HDAC9: variants seen among roughly 807,000 people sequenced by gnomAD.
The protein encoded by HDAC9 is MEF-2 interacting transcription repressor (MITR) protein.
In HDAC9, 41 loss-of-function variants were observed where a neutral mutation model predicts 139.4. The ratio of observed to expected loss-of-function variants is 0.29; its 90% CI spans 0.23 to 0.38. HDAC9 has a LOEUF of 0.38. HDAC9 is among the 10% of genes least tolerant of loss of function. The pLI is 1.00. For synonymous variants in HDAC9, 517 were observed against 476.2 expected (o/e 1.09, Z -1.12); for missense variants, 1,147 against 1,297.0 (o/e 0.88, Z 1.78).
At chr7:18,907,246 G>C (rs1802343022) in intron 22 of HDAC9, among the ~76,000 whole-genome samples, 1 of 152,152 alleles carries the variant, frequency 6.6e-6, no homozygotes, top group Non-Finnish European at 1.5e-5. Flanking sequence ...ATGTAGAAGA[G>C]AAGGGAGAGT....
chr7:18,251,573 T>A (rs1478013357), intron 2 of HDAC9, among the ~76,000 whole-genome samples: 1 of 152,158 alleles, frequency 6.6e-6, no homozygotes, highest in African/African-American at 2.4e-5. Flanking sequence ...TTGGAGAAGA[T>A]GGAGGGCAGG....
intron 24 of HDAC9, among the ~76,000 whole-genome samples, chr7:18,974,343 T>C (rs1221009548): frequency 6.6e-6 from 1 of 152,202 alleles, no homozygotes; most frequent in Non-Finnish European, 1.5e-5. Context: ...TTTTCCATCA[T>C]CTTAAATACG....
At chr7:18,667,242 A>T in intron 12 of HDAC9, 2 of 985,338 alleles carry the variant, frequency 2.0e-6, no homozygotes, top group Non-Finnish European at 2.4e-6. Flanking sequence ...GCAGATGCAA[A>T]TGTTAGTGAG....
At chr7:18,312,780 G>C (rs1799401186) in intron 1 of HDAC9, among the ~76,000 whole-genome samples, 6 of 152,050 alleles carry the variant, frequency 3.9e-5, no homozygotes, top group Admixed American at 3.9e-4. Context: ...AGTAATCATG[G>C]TAAGAAATCT....
chr7:18,144,972 G>A (rs1327356614), intron 1 of HDAC9, among the ~76,000 whole-genome samples: 2 of 152,160 alleles, frequency 1.3e-5, no homozygotes, highest in African/African-American at 2.4e-5. Flanking sequence ...TCCTCCTGTA[G>A]AAGTCAGCTT....
intron 6 of HDAC9, among the ~76,000 whole-genome samples, chr7:18,624,790 A>G (rs1841191490): frequency 6.6e-6 from 1 of 151,722 alleles, no homozygotes; most frequent in Non-Finnish European, 1.5e-5. Context: ...GGGCTTCTGA[A>G]ATGTTAGGAG....
chr7:18,970,078 A>G (rs1056994769), intron 24 of HDAC9, among the ~76,000 whole-genome samples: 1 of 152,198 alleles, frequency 6.6e-6, no homozygotes, highest in African/African-American at 2.4e-5. Flanking sequence ...AGGATAAATT[A>G]AAAATGCTAA....
intron 1 of HDAC9, among the ~76,000 whole-genome samples, chr7:18,383,036 C>T (rs1562937594): frequency 6.6e-6 from 1 of 152,088 alleles, no homozygotes; most frequent in Non-Finnish European, 1.5e-5. Flanking sequence ...TCTTTTCATA[C>T]TTTTAAAATA....
chr7:18,855,256 C>T (rs1472390873), intron 21 of HDAC9, among the ~76,000 whole-genome samples: 2 of 152,036 alleles, frequency 1.3e-5, no homozygotes, highest in Non-Finnish European at 2.9e-5. Flanking sequence ...CAAATATACA[C>T]CCCCTAAAGA....
At chr7:18,829,126 T>C (rs1795674163) in intron 17 of HDAC9, 35 bp from the exon 18 acceptor site, 2 of 1,504,276 alleles carry the variant, frequency 1.3e-6, no homozygotes, top group Non-Finnish European at 1.9e-6. Context: ...CTCTCCATTA[T>C]ATCTGACCAT....
At chr7:18,867,593 C>T (rs1460523723) in intron 21 of HDAC9, among the ~76,000 whole-genome samples, 2 of 152,088 alleles carry the variant, frequency 1.3e-5, no homozygotes, top group East Asian at 3.9e-4. Context: ...TTTTCTGATT[C>T]TTTGAGGACA....
chr7:18,970,736 T>A (rs1784192960), intron 24 of HDAC9, among the ~76,000 whole-genome samples: 1 of 152,152 alleles, frequency 6.6e-6, no homozygotes, highest in Non-Finnish European at 1.5e-5. Flanking sequence ...AGGTTAAGAT[T>A]AGCAGCAGCT....
intron 6 of HDAC9, among the ~76,000 whole-genome samples, chr7:18,596,817 T>C (rs1832637198): frequency 6.6e-6 from 1 of 152,162 alleles, no homozygotes; most frequent in African/African-American, 2.4e-5. Flanking sequence ...GATCTATGTA[T>C]GATACTATTT....
chr7:18,123,849 A>G (rs1784500976), intron 1 of HDAC9, among the ~76,000 whole-genome samples: 1 of 152,232 alleles, frequency 6.6e-6, no homozygotes, highest in Admixed American at 6.5e-5. Context: ...GGTTAATTTA[A>G]CATCTCATTT....
chr7:18,178,971 T>A (rs1394323285), intron 2 of HDAC9, among the ~76,000 whole-genome samples: 2 of 152,238 alleles, frequency 1.3e-5, no homozygotes, highest in Non-Finnish European at 2.9e-5. Flanking sequence ...TTTCTGTGTG[T>A]CTCCATTAAA....
chr7:18,409,823 A>G (rs943734792), intron 1 of HDAC9, among the ~76,000 whole-genome samples: 1 of 152,190 alleles, frequency 6.6e-6, no homozygotes, highest in Admixed American at 6.5e-5. Flanking sequence ...TAGGATGGAA[A>G]GCTCCTCAAA....
chr7:18,568,026 GTA>G (rs36203178), intron 2 of HDAC9, among the ~76,000 whole-genome samples: 52,431 of 126,578 alleles, frequency 0.41, 12,506 homozygotes, highest in East Asian at 0.68. Context: ...ATATGTATAT[GTA>G]TATATATATA....
chr7:18,858,965 A>C (rs550547840), intron 21 of HDAC9, among the ~76,000 whole-genome samples: 1 of 152,154 alleles, frequency 6.6e-6, no homozygotes, highest in Admixed American at 6.5e-5. Flanking sequence ...TAGAAACACT[A>C]TTTTTTCATC....
At chr7:18,381,378 AGT>A (rs1362698838) in intron 1 of HDAC9, among the ~76,000 whole-genome samples, 1 of 152,108 alleles carries the variant, frequency 6.6e-6, no homozygotes, top group Non-Finnish European at 1.5e-5. Flanking sequence ...GAAAGAGCAT[AGT>A]TTATATTATC....
Sources: gnomAD v4.1 joint callset for allele counts (sites outside exome capture counted in the v4.1 genomes callset) on GRCh38, gnomAD v4.1.1 for gene constraint, MANE v1.5 for transcripts, NCBI Gene and HGNC (gene_info 2026-07-23, HGNC 2026-07-21) for gene names.